The following XRCC4 variants were observed in gnomAD, a reference collection of about 807,000 sequenced individuals.
XRCC4 encodes X-ray repair cross complementing 4.
Under a neutral mutation model 39.1 loss-of-function variants are expected in XRCC4, and 28 were observed. The observed-to-expected ratio is 0.72, with a 90% CI of 0.53 to 0.98. The LOEUF is 0.98. Ranked by LOEUF, XRCC4 falls within the 50% of genes least tolerant of loss-of-function variation. XRCC4 has a pLI of 0.00. For missense variants in XRCC4, 350 were observed against 376.4 expected (o/e 0.93, Z 0.58); for synonymous variants, 123 against 126.4 (o/e 0.97, Z 0.18).
intron 3 of XRCC4, among the ~76,000 whole-genome samples, chr5:83,131,426 G>T (rs1747574853): frequency 6.6e-6 from 1 of 152,082 alleles, no homozygotes; most frequent in Non-Finnish European, 1.5e-5. Context: ...CAATTCCTGG[G>T]TATCTTTGTT....
chr5:83,112,647 A>C (rs1746497802), intron 3 of XRCC4, among the ~76,000 whole-genome samples: 1 of 152,186 alleles, frequency 6.6e-6, no homozygotes, highest in African/African-American at 2.4e-5. Flanking sequence ...TAATTGACTC[A>C]CAGTTCCATA....
intron 1 of XRCC4, among the ~76,000 whole-genome samples, chr5:83,083,778 C>T (rs1006212886): frequency 1.3e-5 from 2 of 152,110 alleles, no homozygotes; most frequent in African/African-American, 2.4e-5. Context: ...TTCTTGCCTC[C>T]AAGTTTTTAC....
chr5:83,338,344 A>G (rs181736234), intron 7 of XRCC4, among the ~76,000 whole-genome samples: 9 of 152,312 alleles, frequency 5.9e-5, no homozygotes, highest in Admixed American at 3.9e-4. Context: ...TGAGATATGT[A>G]GCTTTCTTGT....
intron 6 of XRCC4, among the ~76,000 whole-genome samples, chr5:83,256,682 C>T (rs1753554198): frequency 6.6e-6 from 1 of 151,194 alleles, no homozygotes; most frequent in African/African-American, 2.4e-5. Context: ...CTTATCTATT[C>T]CCCATACATT....
At chr5:83,103,526 A>G (rs965039222) in intron 1 of XRCC4, among the ~76,000 whole-genome samples, 5 of 152,168 alleles carry the variant, frequency 3.3e-5, no homozygotes, top group African/African-American at 1.2e-4. Context: ...ACCAAAATTG[A>G]ATATATCCAT....
At chr5:83,292,856 T>C (rs28360273) in intron 7 of XRCC4, among the ~76,000 whole-genome samples, 176 of 152,042 alleles carry the variant, frequency 1.2e-3, no homozygotes, top group Non-Finnish European at 2.1e-3. Flanking sequence ...GACAAAACTA[T>C]ATTTTGGATT....
At chr5:83,152,672 T>C (rs1748770264) in intron 3 of XRCC4, among the ~76,000 whole-genome samples, 1 of 150,626 alleles carries the variant, frequency 6.6e-6, no homozygotes, top group African/African-American at 2.4e-5. Context: ...ACTTCAAATA[T>C]ATTTCAAAGA....
chr5:83,220,266 A>G (rs1345271885), intron 6 of XRCC4, among the ~76,000 whole-genome samples: 4 of 152,108 alleles, frequency 2.6e-5, no homozygotes, highest in African/African-American at 9.7e-5. Context: ...GCAAACCATG[A>G]CTGAGTTCAG....
chr5:83,152,415 C>T (rs149398964), intron 3 of XRCC4, among the ~76,000 whole-genome samples: 338 of 152,144 alleles, frequency 2.2e-3, no homozygotes, highest in African/African-American at 6.5e-3. Flanking sequence ...GGGTGGATCA[C>T]GAGGTCAGGG....
rs1423270875 is a variant in XRCC4, at chr5:83,173,535, C to G, written c.316-22235C>G. 3.3e-5 allele frequency among the ~76,000 whole-genome samples: 5 copies of G among 152,150 alleles called. No homozygotes were observed. In the East Asian group the frequency reaches 9.6e-4, roughly 29 times the overall value. ...AAGAAGTCTTTCTAGATTGTATAGTCAAGTTAGATTTTCTAAAATCATAAA... is the reference window on the plus strand; with the variant it reads ...AAGAAGTCTTTCTAGATTGTATAGTGAAGTTAGATTTTCTAAAATCATAAA... On this transcript the variant is annotated intron_variant, in intron 3 of 7. Transcript: ENST00000396027.
chr5:83,104,957 A>C lies in XRCC4; in HGVS notation c.38A>C (p.Glu13Ala). ...RKISRIHLVS[E>A]PSITHFLQVS... ...ATAAGCAGAATCCACCTTGTTTCTGAACCCAGTATAACTCATTTTCTACAA... is the reference window on the plus strand; with the variant it reads ...ATAAGCAGAATCCACCTTGTTTCTGCACCCAGTATAACTCATTTTCTACAA... The change falls in exon 2 of 8, where the codon GAA (glutamate) becomes GCA (alanine). Residue 13 changes from glutamate to alanine, a missense_variant. Glu to Ala is a moderately radical substitution (Grantham distance 107). Transcript: ENST00000396027. The C allele has an allele frequency of 3.1e-6, 5 of 1,613,548 alleles. No individual in the cohort carries two copies. The highest frequency in any genetic ancestry group is 4.2e-6 in the Non-Finnish European group (5 of 1,179,696).
intron 7 of XRCC4, among the ~76,000 whole-genome samples, chr5:83,303,833 A>G (rs1755382612): frequency 6.6e-6 from 1 of 152,174 alleles, no homozygotes; most frequent in Non-Finnish European, 1.5e-5. Context: ...ATGGTTACAA[A>G]TATTATTATA....
At chr5:83,116,610 T>TTTTTGTTTG (rs1561337469) in intron 3 of XRCC4, among the ~76,000 whole-genome samples, 1 of 2,366 alleles carries the variant, frequency 4.2e-4, no homozygotes. Context: ...CTCTCTCTCT[T>TTTTTGTTTG]TTTTTTTTTT....
chr5:83,312,220 A>G (rs890108102), intron 7 of XRCC4, among the ~76,000 whole-genome samples: 2 of 152,216 alleles, frequency 1.3e-5, no homozygotes, highest in African/African-American at 4.8e-5. Context: ...CCTTCAAAAT[A>G]TCTCAATAAT....
At chr5:83,277,371 A>G (rs1207768617) in intron 7 of XRCC4, among the ~76,000 whole-genome samples, 1 of 152,246 alleles carries the variant, frequency 6.6e-6, no homozygotes, top group Admixed American at 6.5e-5. Context: ...CTTCTGCCAT[A>G]GCAACTGGCA....
At chr5:83,102,066 C>G (rs1300120714) in intron 1 of XRCC4, among the ~76,000 whole-genome samples, 3 of 151,240 alleles carry the variant, frequency 2.0e-5, no homozygotes, top group African/African-American at 7.3e-5. Flanking sequence ...CTCTCACTAT[C>G]ACTAAAAACA....
the XRCC4 span, among the ~76,000 whole-genome samples, chr5:83,365,292 T>C: frequency 6.6e-6 from 1 of 152,162 alleles, no homozygotes; most frequent in Non-Finnish European, 1.5e-5. Flanking sequence ...GTGGTATTTT[T>C]TAAGTAGGAA....
At chr5:83,114,126 G>A (rs1580237605) in intron 3 of XRCC4, among the ~76,000 whole-genome samples, 1 of 151,072 alleles carries the variant, frequency 6.6e-6, no homozygotes, top group East Asian at 1.9e-4. Context: ...CAAGTCCCTA[G>A]GCTGCACGCT....
In XRCC4 at chr5:83,223,096, C is replaced by T. The variant is rs192669404; in HGVS notation, c.745+18175C>T. ...TGTTGAGACTTGTTTTGTGGTCTAA[C>T]GTGTCATCTATCCTGGAAGATATTC... On this transcript the variant is annotated intron_variant, in intron 6 of 7. Transcript: ENST00000396027. Among the ~76,000 whole-genome samples, 323 of 152,176 alleles carry T rather than the reference C, an allele frequency of 2.1e-3. 1 individual carries two copies. The highest frequency in any genetic ancestry group is 7.3e-3 in the African/African-American group (302 of 41,528).
Sources: allele counts gnomAD v4.1 joint callset (sites outside exome capture counted in the v4.1 genomes callset), GRCh38; gene constraint gnomAD v4.1.1; transcripts MANE v1.5; gene names NCBI Gene and HGNC (gene_info 2026-07-23, HGNC 2026-07-21).